The following CNTFR variants were observed in gnomAD, a reference collection of about 807,000 sequenced individuals.
CNTFR encodes the protein ciliary neurotrophic factor receptor subunit alpha.
A neutral mutation model predicts 40.4 loss-of-function variants in CNTFR; 12 were observed. That is an observed-to-expected ratio of 0.30 (90% CI 0.19 to 0.48). The LOEUF (loss-of-function observed/expected upper bound fraction) is 0.48. CNTFR is among the 20% of genes least tolerant of loss of function. The pLI, the probability that CNTFR is intolerant of heterozygous loss-of-function variation, is 0.99. For synonymous variants in CNTFR, 202 were observed against 209.6 expected (o/e 0.96, Z 0.31); for missense variants, 414 against 506.8 (o/e 0.82, Z 1.76).
At chr9:34,560,280 T>G (rs1826017179) in intron 4 of CNTFR, among the ~76,000 whole-genome samples, 1 of 152,276 alleles carries the variant, frequency 6.6e-6, no homozygotes, top group East Asian at 1.9e-4. Flanking sequence ...TAAGACGCTG[T>G]GATTGCAAGG....
chr9:34,590,449 TCCCCTATTGCTACTGC>T (rs1350120019), upstream of CNTFR, among the ~76,000 whole-genome samples: 1 of 151,764 alleles, frequency 6.6e-6, no homozygotes, highest in Non-Finnish European at 1.5e-5. Flanking sequence ...GCTCCGCCTC[TCCCCTATTGCTACTGC>T]CCCCCGCAAC....
chr9:34,564,637 G>A lies in CNTFR; in HGVS notation c.281C>T (p.Ser94Phe). The A allele has an allele frequency of 6.2e-7, 1 of 1,613,162 alleles. No homozygotes were observed. The highest frequency in any genetic ancestry group is 1.3e-5 in the African/African-American group (1 of 74,978). The change falls in exon 4 of 10, where the codon TCC becomes TTC. Residue 94 changes from serine to phenylalanine, a missense_variant. Coordinates refer to ENST00000378980, the MANE Select transcript of CNTFR (RefSeq NM_147164.3). ...SGLYACFHRD[S>F]WHLRHQVLLH... The stretch of plus-strand genomic sequence containing the variant: ...CAGGACTTGGTGGCGCAGGTGCCAG[G>A]AGTCACGGTGGAAGCAGGCGTAGAG...
At chr9:34,573,365 G>A (rs1356454735) in intron 2 of CNTFR, among the ~76,000 whole-genome samples, 2 of 152,216 alleles carry the variant, frequency 1.3e-5, no homozygotes, top group Admixed American at 6.5e-5. Context: ...TGTGCGGGTT[G>A]ATCTGTAATA....
chr9:34,551,822 T>TGA lies in CNTFR; in HGVS notation c.*247_*248dup. The TGA allele has an allele frequency of 1.6e-6, 1 of 612,034 alleles. No homozygotes were observed. Among genetic ancestry groups the TGA allele is most frequent in the Non-Finnish European group, 2.9e-6 (1 of 343,202 alleles). 37.9% of individuals were successfully genotyped at this position (612,034 alleles called of 1,614,324 possible). A position where few individuals can be genotyped will look rare whatever the true frequency, so the allele number is the denominator to read the frequency against. On this transcript the variant is annotated 3_prime_UTR_variant, in exon 10 of 10. Coordinates refer to ENST00000378980, the MANE Select transcript of CNTFR (RefSeq NM_147164.3). ...GAGGGTCCAGCCCAAGGGGCCAGGG[T>TGA]GAGGGGGTCTTTGGTGGGTGGGTTA...
Position 34,557,572 on chromosome 9 carries a change from G to A in CNTFR, c.558C>T (p.Ala186=), listed in dbSNP as rs747487719. 1 of 1,614,172 alleles carries A rather than the reference G, an allele frequency of 6.2e-7. No individual in the cohort carries two copies. Among genetic ancestry groups the A allele is most frequent in the East Asian group, 2.2e-5 (1 of 44,876 alleles). Residue 186 remains alanine (A), a synonymous_variant, in exon 6 of 10, where the codon GCC becomes GCT. Transcript: ENST00000378980. This position sits in a 1 kb window ranked among gnomAD's most constrained non-coding sequence, Gnocchi z 4.2. Reference sequence around the variant, plus strand: ...TGATAGCTGTGGCATTGTGGCCCAGGGCATTGCTGACACTTATGGAGACCT... The same window carrying A: ...TGATAGCTGTGGCATTGTGGCCCAGAGCATTGCTGACACTTATGGAGACCT... ...KYKVSISVSN[A]LGHNATAITF... is the part of the protein sequence containing the mutation.
In CNTFR at chr9:34,557,200, G is replaced by GA. The variant is rs1232199334; in HGVS notation, c.604+325_604+326insT. Among the ~76,000 whole-genome samples the GA allele has an allele frequency of 4.0e-5, 6 of 151,030 alleles. No homozygotes were observed. The highest frequency in any genetic ancestry group is 5.9e-5 in the Non-Finnish European group (4 of 67,634). Reference sequence around the variant, plus strand: ...AAGGAAGCCATTAGAGTTGGGGGGGGGTGCGGTGGAGGCTGCAGCTGCACA... The same window carrying GA: ...AAGGAAGCCATTAGAGTTGGGGGGGGAGTGCGGTGGAGGCTGCAGCTGCACA... On this transcript the variant is annotated intron_variant, in intron 6 of 9. Coordinates refer to ENST00000378980, the MANE Select transcript of CNTFR (RefSeq NM_147164.3). The surrounding 1 kb of genome is among the most constrained non-coding windows in gnomAD (Gnocchi z 4.2).
chr9:34,590,617 G>T (rs1378728470), upstream of CNTFR, among the ~76,000 whole-genome samples: 1 of 152,214 alleles, frequency 6.6e-6, no homozygotes, highest in Non-Finnish European at 1.5e-5. Context: ...GCGCCCCGAG[G>T]ACACACAGCC....
chr9:34,555,040 C>T (rs1389549636), intron 7 of CNTFR, among the ~76,000 whole-genome samples: 1 of 152,250 alleles, frequency 6.6e-6, no homozygotes, highest in Non-Finnish European at 1.5e-5. Context: ...CTGGGAGCCG[C>T]GTGCGTGTGC....
At position 34,552,129 on chromosome 9, in the gene CNTFR, C is replaced by A. The variant is rs1480962915; in HGVS notation, c.1118+32G>T. The A allele has an allele frequency of 6.3e-7, 1 of 1,593,448 alleles. No homozygotes were observed. Among genetic ancestry groups the A allele is most frequent in the Non-Finnish European group, 8.5e-7 (1 of 1,170,278 alleles). ...GGGCTGGAGTGGGGGTTCCCTCAGG[C>A]TCCCTCTGCCACCCAGCCTCACTCA... On this transcript the variant is annotated intron_variant, in intron 9 of 9. Transcript: ENST00000378980. This position sits in a 1 kb window ranked among gnomAD's most constrained non-coding sequence, Gnocchi z 5.1.
intron 7 of CNTFR, among the ~76,000 whole-genome samples, chr9:34,555,019 T>C (rs1280542897): frequency 6.6e-6 from 1 of 152,218 alleles, no homozygotes; most frequent in Non-Finnish European, 1.5e-5. Flanking sequence ...ACGTATGGTG[T>C]ACGGTTCCCG....
At chr9:34,559,595 C>T (rs1226664261) in intron 4 of CNTFR, among the ~76,000 whole-genome samples, 1 of 152,172 alleles carries the variant, frequency 6.6e-6, no homozygotes, top group Non-Finnish European at 1.5e-5. Flanking sequence ...CCTGTCTGCC[C>T]ACGGGTGCAG....
chr9:34,590,212 G>A (rs115985598), upstream of CNTFR: 3,233 of 153,594 alleles, frequency 0.021, 110 homozygotes, highest in African/African-American at 0.073. Context: ...CCCCTAGGGC[G>A]GCTGGGCGCG....
intron 7 of CNTFR, among the ~76,000 whole-genome samples, chr9:34,555,933 C>T (rs184971664): frequency 0.097 from 12,375 of 127,744 alleles, 946 homozygotes; most frequent in Middle Eastern, 0.16. Flanking sequence ...TCTCCCTCCC[C>T]CGCCATCTCC....
intron 2 of CNTFR, among the ~76,000 whole-genome samples, chr9:34,571,601 C>T (rs1041915934): frequency 1.3e-5 from 2 of 151,440 alleles, no homozygotes; most frequent in Non-Finnish European, 3.0e-5. Flanking sequence ...CAGGCCCCCG[C>T]GGGGGGAGGG....
chr9:34,579,941 C>A (rs1827201436), intron 2 of CNTFR, among the ~76,000 whole-genome samples: 1 of 152,034 alleles, frequency 6.6e-6, no homozygotes, highest in Non-Finnish European at 1.5e-5. Context: ...TTCTCCAGCT[C>A]CCCTGCTCGC....
Position 34,552,523 on chromosome 9 carries a change from G to T in CNTFR, c.949+151C>A. On this transcript the variant is annotated intron_variant, in intron 8 of 9. Coordinates refer to ENST00000378980, the MANE Select transcript of CNTFR (RefSeq NM_147164.3). The surrounding 1 kb of genome is among the most constrained non-coding windows in gnomAD (Gnocchi z 5.1). ...CTACCAAGGATGTCCAGATAGCAAGGACCAGGAATGGCAGGAGTTGGACAG... is the reference window on the plus strand; with the variant it reads ...CTACCAAGGATGTCCAGATAGCAAGTACCAGGAATGGCAGGAGTTGGACAG... 2 of 1,022,074 alleles carry T rather than the reference G, an allele frequency of 2.0e-6. No homozygotes were observed. Among genetic ancestry groups the T allele is most frequent in the Non-Finnish European group, 2.8e-6 (2 of 716,516 alleles). The allele number at this position is 1,022,074 out of a possible 1,614,324, so 63.3% of individuals were successfully genotyped here.
At chr9:34,573,971 G>A (rs1434269495) in intron 2 of CNTFR, among the ~76,000 whole-genome samples, 1 of 152,246 alleles carries the variant, frequency 6.6e-6, no homozygotes, top group African/African-American at 2.4e-5. Flanking sequence ...GAACAGTACT[G>A]GCTGAGGGGG....
At chr9:34,581,887 GA>G (rs1274686862) in intron 1 of CNTFR, among the ~76,000 whole-genome samples, 1 of 152,164 alleles carries the variant, frequency 6.6e-6, no homozygotes, top group African/African-American at 2.4e-5. Flanking sequence ...TCTTTCCCAA[GA>G]ATAATAACAG....
In CNTFR at chr9:34,552,147, C is replaced by T; in HGVS notation, c.1118+14G>A. ...CCTCAGGCTCCCTCTGCCACCCAGCCTCACTCAACCTACCAGATCAAGAGA... is the reference window on the plus strand; with the variant it reads ...CCTCAGGCTCCCTCTGCCACCCAGCTTCACTCAACCTACCAGATCAAGAGA... On this transcript the variant is annotated intron_variant, in intron 9 of 9. Transcript: ENST00000378980. The surrounding 1 kb of genome is among the most constrained non-coding windows in gnomAD (Gnocchi z 5.1). 1 of 1,593,292 alleles carries T rather than the reference C, an allele frequency of 6.3e-7. No homozygotes were observed. Among genetic ancestry groups the T allele is most frequent in the African/African-American group, 1.3e-5 (1 of 74,776 alleles).
Sources: allele counts gnomAD v4.1 joint callset (sites outside exome capture counted in the v4.1 genomes callset), GRCh38; gene constraint gnomAD v4.1.1; non-coding constraint Gnocchi (gnomAD v3.1); transcripts MANE v1.5; gene names NCBI Gene and HGNC (gene_info 2026-07-23, HGNC 2026-07-21).